The following GOLIM4 variants were observed in gnomAD, a reference collection of about 807,000 sequenced individuals.
The protein encoded by GOLIM4 is 130 kDa golgi-localized phosphoprotein.
In GOLIM4, 71 loss-of-function variants were observed where a neutral mutation model predicts 107.4. The ratio of observed to expected loss-of-function variants is 0.66; its 90% CI spans 0.55 to 0.81. The LOEUF is 0.81. Among genes scored for constraint, GOLIM4 ranks in the 30% least tolerant of loss-of-function variants. The pLI is 0.00. For missense variants in GOLIM4, 830 were observed against 826.1 expected, an observed-to-expected ratio of 1.00 and a Z score of -0.06; for synonymous variants, 327 against 294.8, an observed-to-expected ratio of 1.11 and a Z score of -1.12.
intron 1 of GOLIM4, among the ~76,000 whole-genome samples, chr3:168,082,211 C>A (rs1401085946): frequency 6.6e-6 from 1 of 152,126 alleles, no homozygotes; most frequent in Non-Finnish European, 1.5e-5. Context: ...CCACCCCCGC[C>A]AAGGATCCCA....
intron 14 of GOLIM4, 124 bp from the exon 15 acceptor site, chr3:168,010,947 C>T: frequency 1.4e-6 from 1 of 728,184 alleles, no homozygotes; most frequent in Non-Finnish European, 2.4e-6. Flanking sequence ...AAAGTTCACT[C>T]AAAATAGCAG....
At chr3:168,057,123 A>C (rs1174559264) in intron 1 of GOLIM4, among the ~76,000 whole-genome samples, 1 of 152,132 alleles carries the variant, frequency 6.6e-6, no homozygotes, top group Non-Finnish European at 1.5e-5. Flanking sequence ...AAGTCTAACG[A>C]GAGCTGATGG....
intron 1 of GOLIM4, among the ~76,000 whole-genome samples, chr3:168,071,207 GA>G (rs1214811987): frequency 3.4e-4 from 52 of 152,292 alleles, no homozygotes; most frequent in African/African-American, 1.2e-3. Context: ...AAAGTAGAGA[GA>G]AAACTGAATT....
intron 1 of GOLIM4, among the ~76,000 whole-genome samples, chr3:168,073,701 C>T (rs965654682): frequency 6.6e-6 from 1 of 152,104 alleles, no homozygotes; most frequent in Non-Finnish European, 1.5e-5. Context: ...GGTGGATGGA[C>T]TATTATCATT....
At chr3:168,050,248 C>G (rs762631127) in intron 1 of GOLIM4, among the ~76,000 whole-genome samples, 1 of 148,116 alleles carries the variant, frequency 6.8e-6, no homozygotes, top group Non-Finnish European at 1.5e-5. Flanking sequence ...AAGTTTGGTT[C>G]CAAGTCCACT....
chr3:168,053,704 A>C (rs1560092210), intron 1 of GOLIM4, among the ~76,000 whole-genome samples: 1 of 152,168 alleles, frequency 6.6e-6, no homozygotes, highest in Non-Finnish European at 1.5e-5. Flanking sequence ...TGTAATTCTA[A>C]ATCACCAGAG....
intron 1 of GOLIM4, among the ~76,000 whole-genome samples, chr3:168,076,962 G>A (rs549803887): frequency 1.2e-3 from 178 of 152,184 alleles, no homozygotes; most frequent in Non-Finnish European, 2.0e-3. Flanking sequence ...CTGAATTAAA[G>A]GACAGATTTA....
intron 1 of GOLIM4, among the ~76,000 whole-genome samples, chr3:168,079,873 A>C (rs1021201493): frequency 7.2e-5 from 11 of 152,166 alleles, no homozygotes; most frequent in Admixed American, 7.2e-4. Flanking sequence ...GAACATGCTG[A>C]AATTGTTTTC....
chr3:168,038,753 A>G (rs1718804173), intron 7 of GOLIM4, among the ~76,000 whole-genome samples: 1 of 152,212 alleles, frequency 6.6e-6, no homozygotes, highest in Admixed American at 6.5e-5. Context: ...GATTTGGGGA[A>G]AGTCTTAATA....
chr3:168,052,646 C>T (rs1047984067), intron 1 of GOLIM4, among the ~76,000 whole-genome samples: 8 of 152,190 alleles, frequency 5.3e-5, no homozygotes, highest in Non-Finnish European at 8.8e-5. Flanking sequence ...CATACACACA[C>T]ATACGCACTA....
intron 1 of GOLIM4, among the ~76,000 whole-genome samples, chr3:168,064,124 G>A (rs1207498867): frequency 6.6e-6 from 1 of 152,126 alleles, no homozygotes; most frequent in South Asian, 2.1e-4. Context: ...CAGGCAGTGT[G>A]GATGTCCCTG....
intron 1 of GOLIM4, among the ~76,000 whole-genome samples, chr3:168,092,891 T>C (rs1468631501): frequency 6.6e-6 from 1 of 152,174 alleles, no homozygotes; most frequent in Non-Finnish European, 1.5e-5. Context: ...GTGAAATAAT[T>C]ATTCATGCAC....
At chr3:168,012,839 T>G (rs1372639926) in intron 14 of GOLIM4, among the ~76,000 whole-genome samples, 1 of 151,976 alleles carries the variant, frequency 6.6e-6, no homozygotes. Flanking sequence ...AAGCAAATGC[T>G]GAGAGATTTT....
intron 9 of GOLIM4, among the ~76,000 whole-genome samples, chr3:168,031,996 A>C (rs964026429): frequency 6.6e-6 from 1 of 152,188 alleles, no homozygotes; most frequent in African/African-American, 2.4e-5. Flanking sequence ...AGGGATCCTG[A>C]GCAGAGGCTG....
intron 1 of GOLIM4, among the ~76,000 whole-genome samples, chr3:168,075,358 G>A (rs1408867473): frequency 4.2e-5 from 6 of 143,146 alleles, no homozygotes; most frequent in South Asian, 2.3e-4. Flanking sequence ...GTGCAGTGGC[G>A]GGATCTCGGC....
intron 8 of GOLIM4, among the ~76,000 whole-genome samples, chr3:168,034,640 A>G (rs1215856804): frequency 6.6e-6 from 1 of 152,216 alleles, no homozygotes; most frequent in East Asian, 1.9e-4. Context: ...GAACACACAC[A>G]TCAAAAGAAG....
Position 168,043,390 on chromosome 3 carries a change from G to T in GOLIM4, c.506C>A (p.Ser169Tyr). The change falls in exon 5 of 16, where the codon TCT (serine) becomes TAT (tyrosine). Residue 169 changes from serine (S) to tyrosine (Y), a missense_variant. Ser to Tyr is a moderately radical substitution (Grantham distance 144, BLOSUM62 -2). Transcript: ENST00000470487. ...QLQQEKEQEL[S>Y]KLKETVYNLR... The stretch of plus-strand genomic sequence containing the variant: ...AGATTTCCAAATACCTTTTAGCTTA[G>T]AAAGTTCTTGTTCTTTTTCTTGCTG... 6.2e-7 allele frequency: 1 copy of T among 1,605,698 alleles called. No individual in the cohort carries two copies. Among genetic ancestry groups the T allele is most frequent in the South Asian group, 1.1e-5 (1 of 88,986 alleles).
chr3:168,030,965 A>G (rs534100657), intron 9 of GOLIM4, among the ~76,000 whole-genome samples: 1 of 152,346 alleles, frequency 6.6e-6, no homozygotes, highest in South Asian at 2.1e-4. Flanking sequence ...CAACCTAAGC[A>G]TCCATCAACG....
At chr3:168,095,072 C>G (rs766718781) in intron 1 of GOLIM4, 27 bp downstream of exon 1, 2 of 1,570,504 alleles carry the variant, frequency 1.3e-6, no homozygotes, top group African/African-American at 2.7e-5. Context: ...AGTTGGCCAC[C>G]GGCTGCGCGC....
Sources: allele counts gnomAD v4.1 joint callset (sites outside exome capture counted in the v4.1 genomes callset), GRCh38; gene constraint gnomAD v4.1.1; transcripts MANE v1.5; gene names NCBI Gene and HGNC (gene_info 2026-07-23, HGNC 2026-07-21).